The following PROSER2 variants were observed in gnomAD, a reference collection of about 807,000 sequenced individuals.
PROSER2 encodes proline and serine rich 2, also known as proline and serine-rich protein 2.
A neutral mutation model predicts 14.6 loss-of-function variants in PROSER2; 18 were observed. That is an observed-to-expected ratio of 1.23 (90% CI 0.85 to 1.83). The LOEUF is 1.83. Ranked by LOEUF, PROSER2 falls within the 40% of genes most tolerant of loss-of-function variation. The pLI is 0.00. For synonymous variants in PROSER2, 367 were observed against 286.4 expected, an observed-to-expected ratio of 1.28 and a Z score of -2.84; for missense variants, 823 against 629.8, an observed-to-expected ratio of 1.31 and a Z score of -3.28.
At chr10:11,852,239 G>A (rs1340498341) in intron 2 of PROSER2, 24 bp downstream of exon 2, 2 of 1,587,786 alleles carry the variant, frequency 1.3e-6, no homozygotes, top group African/African-American at 1.3e-5. Flanking sequence ...TTTCTTTCAT[G>A]CTTTCCTGTG....
At chr10:11,851,679 C>T (rs2131070301) in intron 1 of PROSER2, 1 of 154,794 alleles carries the variant, frequency 6.5e-6, no homozygotes, top group South Asian at 2.1e-4. Flanking sequence ...ATCCCAGGTA[C>T]TCAGGAGGCC....
Position 11,832,548 on chromosome 10 carries a change from G to A in PROSER2, c.-82+9078G>A, listed in dbSNP as rs184198002. Among the ~76,000 whole-genome samples, 251 of 152,258 alleles carry A rather than the reference G, an allele frequency of 1.6e-3. 4 individuals are homozygous for A. Among genetic ancestry groups the A allele is most frequent in the East Asian group, 5.8e-4 (3 of 5,190 alleles). On this transcript the variant is annotated intron_variant, in intron 1 of 3. Coordinates refer to ENST00000277570, the MANE Select transcript of PROSER2 (RefSeq NM_153256.4). Reference sequence around the variant, plus strand: ...GGGTTAGCGTGTGTAATGTTTATTGGTGTCAACTTTTTAATACATCGTTAT... The same window carrying A: ...GGGTTAGCGTGTGTAATGTTTATTGATGTCAACTTTTTAATACATCGTTAT...
chr10:11,843,319 G>C (rs1833876813), intron 1 of PROSER2, among the ~76,000 whole-genome samples: 2 of 150,422 alleles, frequency 1.3e-5, no homozygotes, highest in Non-Finnish European at 3.0e-5. Flanking sequence ...TTGGGAGGCA[G>C]AGGCAGGCGG....
rs979804499 is a variant in PROSER2, at chr10:11,869,434, C to T, written c.392-56C>T. 6.0e-6 allele frequency: 8 copies of T among 1,330,608 alleles called. No individual in the cohort carries two copies. The highest frequency in any genetic ancestry group is 8.6e-6 in the Non-Finnish European group (8 of 925,126). 82.4% of individuals were successfully genotyped at this position (1,330,608 alleles called of 1,614,324 possible). On this transcript the variant is annotated intron_variant, in intron 3 of 3. Coordinates refer to ENST00000277570, the MANE Select transcript of PROSER2 (RefSeq NM_153256.4). This position sits in a 1 kb window ranked among gnomAD's most constrained non-coding sequence, Gnocchi z 4.4. ...TTTTCAGTTCAGCGAGAGGGAACTT[C>T]ATGCATTTACTTTCACGTGGGCCGG... is the stretch of plus-strand genomic sequence containing the variant.
chr10:11,847,226 C>G (rs912277141), intron 1 of PROSER2, among the ~76,000 whole-genome samples: 4 of 149,776 alleles, frequency 2.7e-5, no homozygotes, highest in Non-Finnish European at 4.4e-5. Flanking sequence ...TCCTCTACAG[C>G]TATTGCCTCA....
At chr10:11,857,743 TAAAA>T (rs374000135) in intron 2 of PROSER2, among the ~76,000 whole-genome samples, 1 of 106,556 alleles carries the variant, frequency 9.4e-6, no homozygotes, top group South Asian at 3.7e-4. Context: ...AGACCCCATC[TAAAA>T]AAAAAAAAAA....
intron 1 of PROSER2, among the ~76,000 whole-genome samples, chr10:11,825,835 T>C (rs2131041129): frequency 6.6e-6 from 1 of 152,360 alleles, no homozygotes; most frequent in African/African-American, 2.4e-5. Context: ...TGCCAGAGAC[T>C]GTAGCACTGT....
intron 1 of PROSER2, chr10:11,851,326 C>T (rs1834013482): frequency 6.6e-6 from 1 of 152,212 alleles, no homozygotes; most frequent in South Asian, 2.1e-4. Context: ...TGGCAACTTC[C>T]TCATAGTTTT....
Position 11,830,890 on chromosome 10 carries a change from G to T in PROSER2, c.-82+7420G>T, listed in dbSNP as rs955486712. On this transcript the variant is annotated intron_variant, in intron 1 of 3. Coordinates refer to ENST00000277570, the MANE Select transcript of PROSER2 (RefSeq NM_153256.4). This position sits in a 1 kb window ranked among gnomAD's most constrained non-coding sequence, Gnocchi z 4.5. ...GGTTCCCCAGAGGTATAGGAAGAGC[G>T]GGAGGAGAAGCAGCCTCTAGCTCCT... Among the ~76,000 whole-genome samples the T allele has an allele frequency of 2.0e-5, 3 of 152,158 alleles. No individual in the cohort carries two copies. Among genetic ancestry groups the T allele is most frequent in the Non-Finnish European group, 4.4e-5 (3 of 68,018 alleles).
intron 1 of PROSER2, among the ~76,000 whole-genome samples, chr10:11,840,936 AAAAAAAAAAAAAAAAAAAAATAT>A (rs1177550474): frequency 1.7e-4 from 12 of 69,270 alleles, no homozygotes; most frequent in South Asian, 4.4e-4. Context: ...AAAAAAAAAA[AAAAAAAAAAAAAAAAAAAAATAT>A]ATATATATAT....
rs1386532129 is a variant in PROSER2, at chr10:11,862,586, G to A, written c.139-3945G>A. On this transcript the variant is annotated intron_variant, in intron 2 of 3. Coordinates refer to ENST00000277570, the MANE Select transcript of PROSER2 (RefSeq NM_153256.4). This position sits in a 1 kb window ranked among gnomAD's most constrained non-coding sequence, Gnocchi z 4.2. ...GTGTTTGCCTGTAGTTCCAGCCACT[G>A]GGGAGGCTGAGGTGGGAGGATCACT... Among the ~76,000 whole-genome samples the A allele has an allele frequency of 6.6e-6, 1 of 152,124 alleles. No individual in the cohort carries two copies. Among genetic ancestry groups the A allele is most frequent in the African/African-American group, 2.4e-5 (1 of 41,418 alleles).
At position 11,870,270 on chromosome 10, in the gene PROSER2, G is replaced by A; in HGVS notation, c.1172G>A (p.Gly391Asp). 8.7e-6 allele frequency: 13 copies of A among 1,489,828 alleles called. No homozygotes were observed. The highest frequency in any genetic ancestry group is 1.2e-5 in the Non-Finnish European group (13 of 1,127,702). The allele number at this position is 1,489,828 out of a possible 1,614,324, so 92.3% of individuals were successfully genotyped here. The stretch of plus-strand genomic sequence containing the variant: ...TTCCCCGGGCCCCGGCAGCCCAACG[G>A]CGCCCAGGACTGGCGCCGCGCAGAC... ...QSFPGPRQPN[G>D]AQDWRRADSL... The change falls in exon 4 of 4, where the codon GGC (glycine) becomes GAC (aspartate). Residue 391 changes from glycine (G) to aspartate (D), a missense_variant. Transcript: ENST00000277570.
intron 1 of PROSER2, among the ~76,000 whole-genome samples, chr10:11,835,708 C>T (rs1451932204): frequency 1.3e-5 from 2 of 152,080 alleles, no homozygotes; most frequent in South Asian, 2.1e-4. Context: ...TATGAAAAAA[C>T]AGGACTCTTT....
intron 2 of PROSER2, among the ~76,000 whole-genome samples, chr10:11,865,000 G>A (rs1245208691): frequency 6.6e-6 from 1 of 152,130 alleles, no homozygotes; most frequent in Non-Finnish European, 1.5e-5. Flanking sequence ...ACCTTGGCAT[G>A]GGTCTGTTTG....
chr10:11,864,947 C>T lies in PROSER2; in HGVS notation c.139-1584C>T, dbSNP rs1834317492. ...TTTCACTCTGGGAAGCTTTCCAGAT[C>T]TTTTCTTGGCTTTCAGTATTCTGAA... On this transcript the variant is annotated intron_variant, in intron 2 of 3. Transcript: ENST00000277570. 2.0e-5 allele frequency among the ~76,000 whole-genome samples: 3 copies of T among 152,116 alleles called. No homozygotes were observed. The South Asian group carries it at 6.2e-4, about 32-fold the overall frequency.
intron 2 of PROSER2, among the ~76,000 whole-genome samples, chr10:11,859,687 A>G (rs1834197261): frequency 6.6e-6 from 1 of 152,200 alleles, no homozygotes. Context: ...TCCAAGGACC[A>G]CCAGGCGATG....
chr10:11,864,941 C>G (rs1588499790), intron 2 of PROSER2, among the ~76,000 whole-genome samples: 1 of 152,138 alleles, frequency 6.6e-6, no homozygotes, highest in African/African-American at 2.4e-5. Flanking sequence ...GGGAAGCTTT[C>G]CAGATCTTTT....
intron 1 of PROSER2, among the ~76,000 whole-genome samples, chr10:11,831,406 A>G (rs1189550265): frequency 6.6e-6 from 1 of 152,262 alleles, no homozygotes; most frequent in Admixed American, 6.5e-5. Flanking sequence ...AATGACTTCA[A>G]CTGGAATTTT....
At chr10:11,852,258 A>G (rs754656157) in intron 2 of PROSER2, 43 bp downstream of exon 2, 2 of 1,556,312 alleles carry the variant, frequency 1.3e-6, no homozygotes, top group East Asian at 4.7e-5. Flanking sequence ...TGCCTGGGTC[A>G]GTGGATTTTG....
Sources: gnomAD v4.1 joint callset for allele counts (sites outside exome capture counted in the v4.1 genomes callset) on GRCh38, gnomAD v4.1.1 for gene constraint, Gnocchi (gnomAD v3.1) non-coding constraint, MANE v1.5 for transcripts, NCBI Gene and HGNC (gene_info 2026-07-23, HGNC 2026-07-21) for gene names.